The following LGR5 variants were observed in gnomAD, a reference collection of about 807,000 sequenced individuals.
LGR5 encodes leucine-rich repeat-containing G protein-coupled receptor 5.
A neutral mutation model predicts 76.7 loss-of-function variants in LGR5; 54 were observed. That is an observed-to-expected ratio of 0.70 (90% confidence interval 0.57 to 0.88). The LOEUF (loss-of-function observed/expected upper bound fraction) is 0.88, where lower values mean the gene tolerates loss of function less well. LGR5 is among the 40% of genes least tolerant of loss of function. The pLI, the probability that LGR5 is intolerant of heterozygous loss-of-function variation, is 0.00. For synonymous variants in LGR5, 406 were observed against 421.9 expected (o/e 0.96, Z 0.46); for missense variants, 1,078 against 1,073.3 (o/e 1.00, Z -0.06).
chr12:71,574,113 C>A (rs1390885957), intron 13 of LGR5, among the ~76,000 whole-genome samples: 1 of 151,372 alleles, frequency 6.6e-6, no homozygotes, highest in East Asian at 2.0e-4. Flanking sequence ...ACCAGCCTGG[C>A]CAACATGGTG....
chr12:71,464,986 T>A (rs1483045064), intron 1 of LGR5, among the ~76,000 whole-genome samples: 2 of 152,148 alleles, frequency 1.3e-5, no homozygotes, highest in African/African-American at 4.8e-5. Context: ...CATAAGATCC[T>A]CTGCTAATAC....
At chr12:71,472,211 C>G (rs1873132910) in intron 1 of LGR5, among the ~76,000 whole-genome samples, 1 of 152,152 alleles carries the variant, frequency 6.6e-6, no homozygotes. Flanking sequence ...AATAAGAATA[C>G]TTTTTACTTA....
chr12:71,476,983 T>A (rs1239646383), intron 1 of LGR5, among the ~76,000 whole-genome samples: 2 of 152,114 alleles, frequency 1.3e-5, no homozygotes, highest in African/African-American at 4.8e-5. Flanking sequence ...AGCATAAACC[T>A]ACAAAGATAA....
At chr12:71,583,403 C>T (rs1456152478) in intron 17 of LGR5, 2 of 489,176 alleles carry the variant, frequency 4.1e-6, no homozygotes, top group African/African-American at 1.9e-5. Context: ...CGAAATTCTC[C>T]ATTCTCATTT....
At chr12:71,484,128 T>C (rs1227963294) in intron 1 of LGR5, among the ~76,000 whole-genome samples, 1 of 152,220 alleles carries the variant, frequency 6.6e-6, no homozygotes, top group Non-Finnish European at 1.5e-5. Flanking sequence ...TAGAAATTGT[T>C]CATAATTTCT....
chr12:71,581,084 A>G (rs932575934), intron 16 of LGR5, among the ~76,000 whole-genome samples: 1 of 152,192 alleles, frequency 6.6e-6, no homozygotes, highest in Non-Finnish European at 1.5e-5. Flanking sequence ...TGTCTTTTTC[A>G]TACGTACTTC....
rs926032437 is a variant in LGR5, at chr12:71,440,714, T to G, written c.212+422T>G. On this transcript the variant is annotated intron_variant, in intron 1 of 17. Coordinates refer to ENST00000266674, the MANE Select transcript of LGR5 (RefSeq NM_003667.4). This position sits in a 1 kb window ranked among gnomAD's most constrained non-coding sequence, Gnocchi z 5.3. ...CTAGTCGCATTCCACGAAAAGATGGTCTGTAGAAAGTTTCCCCAAAGGAGA... is the reference window on the plus strand; with the variant it reads ...CTAGTCGCATTCCACGAAAAGATGGGCTGTAGAAAGTTTCCCCAAAGGAGA... Among the ~76,000 whole-genome samples the G allele has an allele frequency of 1.3e-5, 2 of 152,142 alleles. No individual in the cohort carries two copies. The highest frequency in any genetic ancestry group is 1.3e-4 in the Admixed American group (2 of 15,284).
intron 1 of LGR5, among the ~76,000 whole-genome samples, chr12:71,452,995 T>C (rs925681917): frequency 3.3e-5 from 5 of 152,220 alleles, no homozygotes; most frequent in Admixed American, 6.5e-5. Context: ...CCATGTTGTC[T>C]GTTACTGTTA....
Position 71,572,890 on chromosome 12 carries a change from A to G in LGR5, c.1177A>G (p.Thr393Ala), listed in dbSNP as rs777592952. 6.2e-7 allele frequency: 1 copy of G among 1,613,824 alleles called. No homozygotes were observed. Among genetic ancestry groups the G allele is most frequent in the Non-Finnish European group, 8.5e-7 (1 of 1,179,848 alleles). Residue 393 changes from threonine to alanine, a missense_variant, in exon 13 of 18, where the codon ACT becomes GCT. Physicochemically the swap from Thr to Ala is moderately conservative, Grantham distance 58. Transcript: ENST00000266674. Reference sequence around the variant, plus strand: ...TGAAATCTACGAAATTAAAGTTGACACTTTCCAGCAGTTGCTTAGCCTCCG... The same window carrying G: ...TGAAATCTACGAAATTAAAGTTGACGCTTTCCAGCAGTTGCTTAGCCTCCG... ...HNEIYEIKVD[T>A]FQQLLSLRSL... is the part of the protein sequence containing the mutation.
chr12:71,493,319 G>A (rs1376244764), intron 1 of LGR5, among the ~76,000 whole-genome samples: 1 of 151,088 alleles, frequency 6.6e-6, no homozygotes, highest in Non-Finnish European at 1.5e-5. Flanking sequence ...ACGTCTCTGG[G>A]TCTTAATATT....
At chr12:71,551,620 A>T (rs1877489095) in intron 4 of LGR5, among the ~76,000 whole-genome samples, 1 of 152,192 alleles carries the variant, frequency 6.6e-6, no homozygotes, top group Admixed American at 6.5e-5. Context: ...TGCATCTTAC[A>T]GAACATTGCA....
At chr12:71,503,992 T>C (rs970958686) in intron 1 of LGR5, among the ~76,000 whole-genome samples, 1 of 152,232 alleles carries the variant, frequency 6.6e-6, no homozygotes, top group Non-Finnish European at 1.5e-5. Flanking sequence ...CAGGAACTAC[T>C]GTGCAGGCCC....
At chr12:71,500,389 C>A (rs928962037) in intron 1 of LGR5, among the ~76,000 whole-genome samples, 2 of 152,008 alleles carry the variant, frequency 1.3e-5, no homozygotes, top group East Asian at 3.9e-4. Context: ...TTTAAAAACT[C>A]CAGTGCCCAC....
chr12:71,530,680 T>A (rs989424508), intron 3 of LGR5, among the ~76,000 whole-genome samples: 3 of 152,202 alleles, frequency 2.0e-5, no homozygotes, highest in African/African-American at 7.2e-5. Flanking sequence ...CAGGCTGTCC[T>A]CAACAAAGGT....
intron 1 of LGR5, among the ~76,000 whole-genome samples, chr12:71,500,768 C>T (rs769993788): frequency 6.6e-6 from 1 of 151,942 alleles, no homozygotes; most frequent in Non-Finnish European, 1.5e-5. Flanking sequence ...GTCCAGACAT[C>T]AACATTTTTT....
chr12:71,468,209 G>T (rs564691546), intron 1 of LGR5, among the ~76,000 whole-genome samples: 1 of 152,250 alleles, frequency 6.6e-6, no homozygotes, highest in East Asian at 1.9e-4. Context: ...ATAAAATGTT[G>T]TCTGTTTTTA....
chr12:71,452,726 G>T (rs1261205994), intron 1 of LGR5, among the ~76,000 whole-genome samples: 1 of 152,172 alleles, frequency 6.6e-6, no homozygotes, highest in African/African-American at 2.4e-5. Context: ...TTAGAAATGA[G>T]AACATTTCTT....
intron 2 of LGR5, among the ~76,000 whole-genome samples, chr12:71,524,185 G>A (rs1327428157): frequency 6.6e-6 from 1 of 152,102 alleles, no homozygotes; most frequent in Non-Finnish European, 1.5e-5. Flanking sequence ...ATTGTTTATT[G>A]TAAAGTAGGT....
At chr12:71,553,330 G>A (rs1305029317) in intron 5 of LGR5, 42 bp downstream of exon 5, 2 of 1,520,404 alleles carry the variant, frequency 1.3e-6, no homozygotes, top group Non-Finnish European at 1.8e-6. Flanking sequence ...AGTTTCTAAT[G>A]TCACTGGAAG....
Sources: gnomAD v4.1 joint callset for allele counts (sites outside exome capture counted in the v4.1 genomes callset) on GRCh38, gnomAD v4.1.1 for gene constraint, Gnocchi (gnomAD v3.1) non-coding constraint, MANE v1.5 for transcripts, NCBI Gene and HGNC (gene_info 2026-07-23, HGNC 2026-07-21) for gene names.